SEMA3A: variants seen among roughly 807,000 people sequenced by gnomAD.
SEMA3A encodes semaphorin-3A.
SEMA3A carries 29 observed loss-of-function variants against 97.9 expected under a neutral mutation model. The observed-to-expected ratio is 0.30, with a 90% CI of 0.22 to 0.40. The LOEUF is 0.40. Ranked by LOEUF, SEMA3A falls within the 10% of genes least tolerant of loss-of-function variation. SEMA3A has a pLI of 1.00. For missense variants in SEMA3A, 763 were observed against 951.3 expected, an observed-to-expected ratio of 0.80 and a Z score of 2.60; for synonymous variants, 321 against 323.7, an observed-to-expected ratio of 0.99 and a Z score of 0.09.
chr7:84,425,331 TATAATATATTG>T (rs1452617227), intron 1 of SEMA3A, among the ~76,000 whole-genome samples: 1 of 62,464 alleles, frequency 1.6e-5, no homozygotes, highest in Non-Finnish European at 2.6e-5. Context: ...TAAATATAAA[TATAATATATTG>T]ATATAAATAT....
chr7:84,150,267 C>G (rs1796589608), intron 1 of SEMA3A, among the ~76,000 whole-genome samples: 1 of 152,208 alleles, frequency 6.6e-6, no homozygotes, highest in South Asian at 2.1e-4. Flanking sequence ...CAGCTCCAGT[C>G]TACAGCTCCC....
At chr7:84,089,762 T>A (rs35211989) in intron 4 of SEMA3A, among the ~76,000 whole-genome samples, 62,641 of 151,700 alleles carry the variant, frequency 0.41, 14,801 homozygotes, top group Admixed American at 0.52. Flanking sequence ...TATACAGATA[T>A]ACAACTTATA....
intron 1 of SEMA3A, among the ~76,000 whole-genome samples, chr7:84,387,274 CAATAAATA>C (rs879287670): frequency 1.3e-4 from 19 of 151,750 alleles, no homozygotes; most frequent in Non-Finnish European, 2.2e-4. Context: ...TTTACCACTG[CAATAAATA>C]AATAAATAAA....
At chr7:84,441,165 A>T (rs1056642761) in intron 1 of SEMA3A, among the ~76,000 whole-genome samples, 2 of 151,906 alleles carry the variant, frequency 1.3e-5, no homozygotes, top group Non-Finnish European at 2.9e-5. Flanking sequence ...TCTCAATAAA[A>T]AATAAAATAA....
Position 84,100,392 on chromosome 7 carries a change from G to A in SEMA3A, c.453+10078C>T, listed in dbSNP as rs181505541. Reference sequence around the variant, plus strand: ...GGATTCAGACATGAACTACTGAATAGCATCTTTGCCTCAGGTCTATTACAA... The same window carrying A: ...GGATTCAGACATGAACTACTGAATAACATCTTTGCCTCAGGTCTATTACAA... On this transcript the variant is annotated intron_variant, in intron 4 of 16. Transcript: ENST00000265362. 2.7e-4 allele frequency among the ~76,000 whole-genome samples: 41 copies of A among 152,238 alleles called. No individual in the cohort carries two copies. In the East Asian group the frequency reaches 7.9e-3, roughly 29 times the overall value.
chr7:84,460,405 GA>G lies in SEMA3A; in HGVS notation c.-246+32054del, dbSNP rs201817765. Among the ~76,000 whole-genome samples, 290 of 142,148 alleles carry G rather than the reference GA, an allele frequency of 2.0e-3. 1 individual carries two copies. The highest frequency in any genetic ancestry group is 4.0e-3 in the African/African-American group (154 of 38,792). 93.3% of individuals were successfully genotyped at this position (142,148 alleles called of 152,430 possible). ...GCTATAATTTGCAAATCAATTCTCAGAAAAAAAAAACAGTGAGAAGGAAGAA... is the reference window on the plus strand; with the variant it reads ...GCTATAATTTGCAAATCAATTCTCAGAAAAAAAAACAGTGAGAAGGAAGAA... On this transcript the variant is annotated intron_variant, in intron 1 of 3. Transcript: ENST00000424555.
intron 1 of SEMA3A, among the ~76,000 whole-genome samples, chr7:84,170,859 C>T (rs920163373): frequency 6.6e-6 from 1 of 152,154 alleles, no homozygotes; most frequent in African/African-American, 2.4e-5. Context: ...GCTTTTATAA[C>T]ACTCATTTAA....
At chr7:84,168,944 A>G (rs760609335) in intron 1 of SEMA3A, among the ~76,000 whole-genome samples, 3 of 151,812 alleles carry the variant, frequency 2.0e-5, no homozygotes, top group Non-Finnish European at 4.4e-5. Flanking sequence ...ATTGAATTAT[A>G]TAATACTAGA....
At chr7:84,435,708 T>C (rs962365193) in intron 1 of SEMA3A, among the ~76,000 whole-genome samples, 3 of 152,164 alleles carry the variant, frequency 2.0e-5, no homozygotes, top group Non-Finnish European at 4.4e-5. Flanking sequence ...TCCATGCTCA[T>C]AGACTGGAAG....
At chr7:84,337,166 G>A (rs1802056209) in intron 2 of SEMA3A, among the ~76,000 whole-genome samples, 1 of 152,072 alleles carries the variant, frequency 6.6e-6, no homozygotes, top group Admixed American at 6.6e-5. Context: ...GAAGAAATTA[G>A]GAGTGTCTGG....
intron 3 of SEMA3A, among the ~76,000 whole-genome samples, chr7:84,237,676 G>A (rs576936294): frequency 1.3e-5 from 2 of 152,040 alleles, no homozygotes; most frequent in Admixed American, 1.3e-4. Context: ...ACCCAGCAAA[G>A]GGTGATTCAT....
In SEMA3A at chr7:84,356,785, T is replaced by C. The variant is rs1448926236; in HGVS notation, c.-169+15039A>G. 2.0e-5 allele frequency among the ~76,000 whole-genome samples: 3 copies of C among 151,640 alleles called. No individual in the cohort carries two copies. In the East Asian group the frequency reaches 5.8e-4, roughly 29 times the overall value. On this transcript the variant is annotated intron_variant, in intron 2 of 3. Transcript: ENST00000424555. Reference sequence around the variant, plus strand: ...TTCTCTATTTAAGTAAATATAAATATACCTCCATTTAAGTAAATATGACTA... The same window carrying C: ...TTCTCTATTTAAGTAAATATAAATACACCTCCATTTAAGTAAATATGACTA...
chr7:84,317,224 T>C (rs1462160181), intron 2 of SEMA3A, among the ~76,000 whole-genome samples: 1 of 152,198 alleles, frequency 6.6e-6, no homozygotes, highest in African/African-American at 2.4e-5. Flanking sequence ...TCACTAATGG[T>C]GATTGTTAGT....
intron 1 of SEMA3A, among the ~76,000 whole-genome samples, chr7:84,424,611 T>C (rs1288157772): frequency 2.6e-5 from 1 of 37,920 alleles, no homozygotes; most frequent in Admixed American, 5.2e-4. Context: ...TATTAATATA[T>C]AATATAATAT....
intron 3 of SEMA3A, among the ~76,000 whole-genome samples, chr7:84,257,278 T>A (rs1026175842): frequency 6.6e-6 from 1 of 151,580 alleles, no homozygotes; most frequent in East Asian, 1.9e-4. Flanking sequence ...TTTTTTTTTT[T>A]ATTTTAGTCT....
chr7:84,063,147 A>AC (rs1245968967), intron 4 of SEMA3A, among the ~76,000 whole-genome samples: 7 of 151,238 alleles, frequency 4.6e-5, no homozygotes, highest in Admixed American at 2.0e-4. Flanking sequence ...AGGCACCCCC[A>AC]AGCAGGGGCA....
At chr7:84,127,536 A>G (rs888584292) in intron 3 of SEMA3A, among the ~76,000 whole-genome samples, 6 of 152,162 alleles carry the variant, frequency 3.9e-5, no homozygotes, top group African/African-American at 1.4e-4. Context: ...CATCTTTAAT[A>G]CGTGTCATGA....
chr7:84,349,654 C>G (rs1802387773), intron 2 of SEMA3A, among the ~76,000 whole-genome samples: 1 of 152,152 alleles, frequency 6.6e-6, no homozygotes, highest in Non-Finnish European at 1.5e-5. Flanking sequence ...TAATGTCCCC[C>G]CTACTGCAAC....
intron 4 of SEMA3A, among the ~76,000 whole-genome samples, chr7:84,074,163 C>A (rs935850423): frequency 6.6e-6 from 1 of 152,096 alleles, no homozygotes; most frequent in Non-Finnish European, 1.5e-5. Flanking sequence ...AATTATTGAA[C>A]CTCAGCCCTC....
Sources: gnomAD v4.1 joint callset for allele counts (sites outside exome capture counted in the v4.1 genomes callset) on GRCh38, gnomAD v4.1.1 for gene constraint, MANE v1.5 for transcripts, NCBI Gene and HGNC (gene_info 2026-07-23, HGNC 2026-07-21) for gene names.